The following RBFOX1 variants were observed in gnomAD, a reference collection of about 807,000 sequenced individuals.
RBFOX1 encodes RNA binding protein fox-1 homolog 1.
RBFOX1 carries 8 observed loss-of-function variants against 57.7 expected under a neutral mutation model. The observed-to-expected ratio is 0.14, with a 90% CI of 0.08 to 0.25. RBFOX1 has a LOEUF of 0.25. Among genes scored for constraint, RBFOX1 ranks in the 10% least tolerant of loss-of-function variants. RBFOX1 has a pLI of 1.00. For missense variants in RBFOX1, 611 were observed against 548.5 expected, an observed-to-expected ratio of 1.11 and a Z score of -1.14; for synonymous variants, 326 against 222.4, an observed-to-expected ratio of 1.47 and a Z score of -4.15.
chr16:6,508,637 T>C (rs79866383), intron 2 of RBFOX1, among the ~76,000 whole-genome samples: 2,116 of 152,262 alleles, frequency 0.014, 21 homozygotes, highest in Non-Finnish European at 0.019. Flanking sequence ...ACTTTTCTCT[T>C]GAACTTCTCT....
chr16:6,287,660 C>T (rs2077033711), intron 1 of RBFOX1, among the ~76,000 whole-genome samples: 1 of 152,086 alleles, frequency 6.6e-6, no homozygotes, highest in Non-Finnish European at 1.5e-5. Context: ...ATCGCCAGCT[C>T]AGAGTATGTA....
At chr16:7,209,335 C>CAAAT (rs757055558) in intron 4 of RBFOX1, among the ~76,000 whole-genome samples, 1 of 152,044 alleles carries the variant, frequency 6.6e-6, no homozygotes, top group East Asian at 1.9e-4. Flanking sequence ...AACTCTGTTT[C>CAAAT]AAATAAATAA....
At position 6,908,367 on chromosome 16, in the gene RBFOX1, C is replaced by A. The variant is rs564913364; in HGVS notation, c.-15-143690C>A. Among the ~76,000 whole-genome samples, 3 of 146,508 alleles carry A rather than the reference C, an allele frequency of 2.0e-5. No homozygotes were observed. In the South Asian group the frequency reaches 6.3e-4, roughly 31 times the overall value. ...ACTCTGCCTTTGCACCCTTCTAACC[C>A]CGATGTGTGTCTGTCTGCCTGCCTT... On this transcript the variant is annotated intron_variant, in intron 3 of 15. Coordinates refer to ENST00000550418, the MANE Select transcript of RBFOX1 (RefSeq NM_018723.4).
chr16:7,347,192 A>C (rs770753721), intron 4 of RBFOX1, among the ~76,000 whole-genome samples: 2 of 152,152 alleles, frequency 1.3e-5, no homozygotes, highest in Non-Finnish European at 2.9e-5. Flanking sequence ...CTATCATCCT[A>C]CAATGCATAG....
At chr16:5,837,306 A>C (rs2056491745) in intron 3 of RBFOX1, among the ~76,000 whole-genome samples, 1 of 151,720 alleles carries the variant, frequency 6.6e-6, no homozygotes, top group African/African-American at 2.4e-5. Context: ...ACACCCTCAC[A>C]GATACAGCCC....
intron 3 of RBFOX1, among the ~76,000 whole-genome samples, chr16:6,835,164 G>A (rs1410629586): frequency 6.6e-6 from 1 of 152,114 alleles, no homozygotes. Flanking sequence ...GCCTCCCACA[G>A]TGTTGGGATC....
In RBFOX1 at chr16:6,526,857, A is replaced by AAAAAAAAAAAAAAAC. The variant is rs1567560941; in HGVS notation, c.-63-127744_-63-127743insAAAAAAAAAAAACAA. Among the ~76,000 whole-genome samples the AAAAAAAAAAAAAAAC allele has an allele frequency of 1.1e-4, 14 of 130,418 alleles. 1 individual carries two copies. The highest frequency in any genetic ancestry group is 5.1e-4 in the African/African-American group (14 of 27,482). The allele number at this position is 130,418 out of a possible 152,430, so 85.6% of individuals were successfully genotyped here. The stretch of plus-strand genomic sequence containing the variant: ...AAAAAAAAAAAAAAAAAAAAAAAAA[A>AAAAAAAAAAAAAAAC]AACAACCAGAAAAACAGAAATACTC... On this transcript the variant is annotated intron_variant, in intron 2 of 15. Coordinates refer to ENST00000550418, the MANE Select transcript of RBFOX1 (RefSeq NM_018723.4).
rs2060251301 is a variant in RBFOX1, at chr16:5,984,947, TA to T, written c.351+117613del. 1.1e-4 allele frequency among the ~76,000 whole-genome samples: 6 copies of T among 53,106 alleles called. No individual in the cohort carries two copies. The South Asian group carries it at 4.5e-3, about 40-fold the overall frequency. The allele number at this position is 53,106 out of a possible 152,430, so 34.8% of individuals were successfully genotyped here. On this transcript the variant is annotated intron_variant, in intron 4 of 19. Transcript: ENST00000641259. ...GTACACCTGTATAGGGCAACTCCAT[TA>T]TATATATATATATATATATATATAT...
intron 3 of RBFOX1, among the ~76,000 whole-genome samples, chr16:5,825,351 C>G (rs2055999818): frequency 6.6e-6 from 1 of 152,202 alleles, no homozygotes; most frequent in Admixed American, 6.5e-5. Context: ...TATGCCACAT[C>G]TTTTGCAGAT....
chr16:7,357,291 C>G (rs1353566170), intron 4 of RBFOX1, among the ~76,000 whole-genome samples: 1 of 151,548 alleles, frequency 6.6e-6, no homozygotes. Context: ...TAAGAAGGTT[C>G]TTGGTTATCA....
At chr16:7,066,935 T>A (rs2056196293) in intron 4 of RBFOX1, among the ~76,000 whole-genome samples, 1 of 152,204 alleles carries the variant, frequency 6.6e-6, no homozygotes, top group African/African-American at 2.4e-5. Context: ...ATGTGGTAGT[T>A]TATATACCAA....
chr16:6,846,361 C>T (rs890618144), intron 3 of RBFOX1, among the ~76,000 whole-genome samples: 1 of 152,206 alleles, frequency 6.6e-6, no homozygotes, highest in Non-Finnish European at 1.5e-5. Context: ...CGCAGGGTGG[C>T]TTCCCAACAG....
At chr16:5,451,448 A>C (rs2068423495) in intron 1 of RBFOX1, among the ~76,000 whole-genome samples, 1 of 152,200 alleles carries the variant, frequency 6.6e-6, no homozygotes. Flanking sequence ...ATTGAAAACT[A>C]ATTAGTACCC....
intron 2 of RBFOX1, among the ~76,000 whole-genome samples, chr16:6,441,949 C>T (rs2094391995): frequency 1.3e-5 from 2 of 152,236 alleles, no homozygotes; most frequent in Middle Eastern, 3.4e-3. Flanking sequence ...AGGATGAATT[C>T]CTAGCAAGAT....
intron 3 of RBFOX1, among the ~76,000 whole-genome samples, chr16:6,728,413 CA>C (rs2067745610): frequency 6.6e-6 from 1 of 152,134 alleles, no homozygotes. Flanking sequence ...TCCTTGAGCC[CA>C]GTTGTATTTT....
rs112151114 is a variant in RBFOX1, at chr16:5,378,724, C to T, written c.220-88492C>T. Among the ~76,000 whole-genome samples the T allele has an allele frequency of 3.3e-3, 499 of 151,620 alleles. 20 individuals carry two copies. The highest frequency in any genetic ancestry group is 0.014 in the Middle Eastern group (4 of 294). On this transcript the variant is annotated intron_variant, in intron 1 of 2. Coordinates refer to the RBFOX1 transcript ENST00000585867. ...TGGACTCGGATATTCCCATGACTTA[C>T]GTTTTCTGAGCCTCAGTTTTGTCAT...
At chr16:7,023,173 A>G (rs1438463793) in intron 3 of RBFOX1, among the ~76,000 whole-genome samples, 1 of 152,042 alleles carries the variant, frequency 6.6e-6, no homozygotes, top group Non-Finnish European at 1.5e-5. Context: ...GGAGGGAGGT[A>G]ATGACCATTA....
chr16:6,943,216 G>C (rs1217647168), intron 3 of RBFOX1, among the ~76,000 whole-genome samples: 1 of 152,172 alleles, frequency 6.6e-6, no homozygotes. Context: ...TTGCCTATAA[G>C]GTTATAGAGC....
At chr16:5,300,358 G>T (rs1271641987) in intron 1 of RBFOX1, among the ~76,000 whole-genome samples, 1 of 152,108 alleles carries the variant, frequency 6.6e-6, no homozygotes, top group African/African-American at 2.4e-5. Context: ...TTGGGGACTC[G>T]GGAGAAAGGG....
Sources: gnomAD v4.1 joint callset for allele counts (sites outside exome capture counted in the v4.1 genomes callset) on GRCh38, gnomAD v4.1.1 for gene constraint, MANE v1.5 for transcripts, NCBI Gene and HGNC (gene_info 2026-07-23, HGNC 2026-07-21) for gene names.